The following THADA variants were observed in gnomAD, a reference collection of about 807,000 sequenced individuals.
THADA encodes the protein THADA armadillo repeat containing, also known as tRNA (32-2'-O)-methyltransferase regulator THADA.
THADA carries 213 observed loss-of-function variants against 219.8 expected under a neutral mutation model. That is an observed-to-expected ratio of 0.97 (90% CI 0.87 to 1.09). The LOEUF (loss-of-function observed/expected upper bound fraction) is 1.09, where lower values mean the gene tolerates loss of function less well. THADA is among the 50% of genes least tolerant of loss of function. The probability of loss-of-function intolerance (pLI) is 0.00; values close to 1 mark genes in which losing one functional copy is unlikely to be tolerated. For missense variants in THADA, 2,956 were observed against 2,311.3 expected, an observed-to-expected ratio of 1.28 and a Z score of -5.72; for synonymous variants, 1,018 against 828.9, an observed-to-expected ratio of 1.23 and a Z score of -3.92.
In THADA at chr2:43,378,902, G is replaced by A. The variant is rs569334932; in HGVS notation, c.4227+19069C>T. 1.2e-4 allele frequency among the ~76,000 whole-genome samples: 18 copies of A among 152,274 alleles called. No homozygotes were observed. In the East Asian group the frequency reaches 3.3e-3, roughly 28 times the overall value. On this transcript the variant is annotated intron_variant, in intron 29 of 37. Transcript: ENST00000405975. ...ATTGCAGACGTGAGCCATCGCACCA[G>A]CCTAATAATATCTTCAAAGTGCTGA...
intron 4 of THADA, among the ~76,000 whole-genome samples, 174 bp downstream of exon 4, chr2:43,590,644 CAAAAAA>C (rs768406325): frequency 1.7e-5 from 1 of 59,230 alleles, no homozygotes; most frequent in Non-Finnish European, 3.4e-5. Flanking sequence ...GACTCCGTCT[CAAAAAA>C]AAAAAAAAAA....
chr2:43,367,395 T>G (rs888120061), intron 29 of THADA, among the ~76,000 whole-genome samples: 5 of 152,240 alleles, frequency 3.3e-5, no homozygotes, highest in African/African-American at 9.6e-5. Flanking sequence ...TTATTCAATA[T>G]TGTAGACTGT....
intron 4 of THADA, 98 bp from the exon 5 acceptor site, chr2:43,587,100 A>T (rs1701109057): frequency 4.8e-6 from 6 of 1,246,822 alleles, no homozygotes; most frequent in Admixed American, 4.8e-5. Context: ...TACTGAACTA[A>T]ATCTTCAAAA....
At chr2:43,483,306 G>A (rs942590408) in intron 26 of THADA, among the ~76,000 whole-genome samples, 1 of 152,176 alleles carries the variant, frequency 6.6e-6, no homozygotes, top group African/African-American at 2.4e-5. Context: ...GGAAGGAACA[G>A]GCATATAAAC....
chr2:43,400,041 G>A lies in THADA; in HGVS notation c.4059-1902C>T, dbSNP rs543379068. Among the ~76,000 whole-genome samples the A allele has an allele frequency of 9.2e-5, 14 of 152,224 alleles. No individual in the cohort carries two copies. In the East Asian group the frequency reaches 1.2e-3, roughly 13 times the overall value. On this transcript the variant is annotated intron_variant, in intron 28 of 37. Transcript: ENST00000405975. The stretch of plus-strand genomic sequence containing the variant: ...GTGTTACACTGTGTTTTATGTTACC[G>A]AAAGGGCTCTTGTATATAAATGTTT...
chr2:43,317,268 C>T (rs114251143), intron 31 of THADA, among the ~76,000 whole-genome samples: 88 of 152,272 alleles, frequency 5.8e-4, no homozygotes, highest in African/African-American at 2.1e-3. Context: ...AAAATGAATT[C>T]ACATCTATTT....
chr2:43,332,465 C>T (rs753948553), intron 30 of THADA, among the ~76,000 whole-genome samples: 1 of 152,152 alleles, frequency 6.6e-6, no homozygotes, highest in Non-Finnish European at 1.5e-5. Context: ...GAAACAGAGA[C>T]AATTATCGTT....
chr2:43,405,555 T>C (rs986036136), intron 28 of THADA, among the ~76,000 whole-genome samples: 1 of 152,212 alleles, frequency 6.6e-6, no homozygotes, highest in African/African-American at 2.4e-5. Flanking sequence ...TAGTTGCTCC[T>C]TTTCCTGCAA....
chr2:43,233,085 C>T (rs1667628752), intron 36 of THADA: 4 of 586,060 alleles, frequency 6.8e-6, no homozygotes, highest in South Asian at 6.6e-5. Flanking sequence ...GAGTCATAGG[C>T]CTGAACCCAC....
chr2:43,417,182 C>G (rs1156260868), intron 28 of THADA, among the ~76,000 whole-genome samples: 1 of 144,966 alleles, frequency 6.9e-6, no homozygotes, highest in Admixed American at 7.0e-5. Flanking sequence ...TTTTTTTTTT[C>G]TAGCAACCCT....
chr2:43,267,739 AAAG>A (rs1428305449), intron 36 of THADA, among the ~76,000 whole-genome samples: 1 of 152,136 alleles, frequency 6.6e-6, no homozygotes, highest in South Asian at 2.1e-4. Context: ...GAGCACCAAG[AAAG>A]AAGGTGTGCG....
chr2:43,295,053 G>A (rs1675203965), intron 31 of THADA, among the ~76,000 whole-genome samples: 1 of 152,176 alleles, frequency 6.6e-6, no homozygotes, highest in African/African-American at 2.4e-5. Context: ...GAGCCCAGGA[G>A]TTTGAGACCA....
At chr2:43,586,578 G>C in intron 6 of THADA, 124 bp downstream of exon 6, 1 of 1,313,716 alleles carries the variant, frequency 7.6e-7, no homozygotes. Flanking sequence ...TAAAAGGAAG[G>C]GTCATGATGT....
chr2:43,350,852 T>C (rs1276570469), intron 29 of THADA, among the ~76,000 whole-genome samples: 7 of 152,198 alleles, frequency 4.6e-5, no homozygotes, highest in African/African-American at 1.7e-4. Flanking sequence ...CCCCAAAACA[T>C]GACACCTTAC....
chr2:43,476,050 C>T (rs543523070), intron 26 of THADA, among the ~76,000 whole-genome samples: 9 of 152,270 alleles, frequency 5.9e-5, no homozygotes, highest in Non-Finnish European at 8.8e-5. Flanking sequence ...TGAGTAGTCA[C>T]GTGCTTCGGG....
intron 12 of THADA, among the ~76,000 whole-genome samples, chr2:43,572,147 C>T (rs1014326646): frequency 6.6e-6 from 1 of 152,106 alleles, no homozygotes; most frequent in Non-Finnish European, 1.5e-5. Flanking sequence ...CCAGTGACCC[C>T]TTTTACCCCA....
chr2:43,424,080 G>A lies in THADA; in HGVS notation c.4058+4020C>T, dbSNP rs114282598. Among the ~76,000 whole-genome samples, 1,050 of 152,232 alleles carry A rather than the reference G, an allele frequency of 6.9e-3. 16 individuals carry two copies. Among genetic ancestry groups the A allele is most frequent in the Non-Finnish European group, 0.012 (810 of 68,032 alleles). On this transcript the variant is annotated intron_variant, in intron 28 of 37. Coordinates refer to ENST00000405975, the MANE Select transcript of THADA (RefSeq NM_022065.5). ...AAATACACTGGATTTTTTAAAAGTTGTATACAAGATGTTGGGATTGACATT... is the reference window on the plus strand; with the variant it reads ...AAATACACTGGATTTTTTAAAAGTTATATACAAGATGTTGGGATTGACATT...
intron 12 of THADA, 24 bp from the exon 13 acceptor site, chr2:43,571,886 TG>T: frequency 3.7e-6 from 6 of 1,607,808 alleles, no homozygotes; most frequent in Non-Finnish European, 4.2e-6. Context: ...AGCAATAAAA[TG>T]TTAATTTTCC....
intron 16 of THADA, among the ~76,000 whole-genome samples, chr2:43,558,234 G>A (rs1029997908): frequency 5.3e-5 from 8 of 152,242 alleles, no homozygotes; most frequent in South Asian, 4.1e-4. Flanking sequence ...AAAATATGCC[G>A]TCAACAATAC....
Sources: gnomAD v4.1 joint callset for allele counts (sites outside exome capture counted in the v4.1 genomes callset) on GRCh38, gnomAD v4.1.1 for gene constraint, MANE v1.5 for transcripts, NCBI Gene and HGNC (gene_info 2026-07-23, HGNC 2026-07-21) for gene names.